The following PCSK5 variants were observed in gnomAD, a reference collection of about 807,000 sequenced individuals.
PCSK5 encodes the protein proprotein convertase subtilisin/kexin type 5, also known as prohormone convertase 5.
In PCSK5, 129 loss-of-function variants were observed where a neutral mutation model predicts 233.2. The observed-to-expected ratio is 0.55, with a 90% CI of 0.48 to 0.64. The LOEUF (loss-of-function observed/expected upper bound fraction) is 0.64. Ranked by LOEUF, PCSK5 falls within the 30% of genes least tolerant of loss-of-function variation. The pLI is 0.00. For missense variants in PCSK5, 2,076 were observed against 2,430.1 expected (o/e 0.85, Z 3.06); for synonymous variants, 825 against 879.2 (o/e 0.94, Z 1.09).
At chr9:75,895,085 C>T (rs1825754437) in intron 1 of PCSK5, among the ~76,000 whole-genome samples, 1 of 152,228 alleles carries the variant, frequency 6.6e-6, no homozygotes, top group East Asian at 1.9e-4. Flanking sequence ...AACCACATAA[C>T]AATTTGAATA....
At chr9:76,107,414 C>G in intron 9 of PCSK5, 63 bp downstream of exon 9, 1 of 1,032,516 alleles carries the variant, frequency 9.7e-7, no homozygotes, top group Non-Finnish European at 1.5e-6. Context: ...AAAACGTACC[C>G]CTTCCCTTGT....
chr9:76,052,009 G>A (rs900517321), intron 5 of PCSK5, among the ~76,000 whole-genome samples: 13 of 152,088 alleles, frequency 8.5e-5, no homozygotes, highest in East Asian at 1.9e-4. Context: ...ATCTTTTTTC[G>A]TAGAAACAAG....
In PCSK5 at chr9:76,206,646, A is replaced by C. The variant is rs548634237; in HGVS notation, c.2626+16900A>C. Among the ~76,000 whole-genome samples the C allele has an allele frequency of 2.0e-5, 3 of 152,332 alleles. No individual in the cohort carries two copies. In the East Asian group the frequency reaches 5.8e-4, roughly 29 times the overall value. On this transcript the variant is annotated intron_variant, in intron 20 of 37. Coordinates refer to ENST00000674117, the MANE Select transcript of PCSK5 (RefSeq NM_001372043.1). ...CACCTCACAGAGCGCAAACAAGGCT[A>C]TTGCCTGATGCTTCTGGAAGAATGG... is the stretch of plus-strand genomic sequence containing the variant.
At chr9:76,315,920 C>T (rs959149857) in intron 30 of PCSK5, among the ~76,000 whole-genome samples, 2 of 135,686 alleles carry the variant, frequency 1.5e-5, no homozygotes, top group Non-Finnish European at 1.5e-5. Context: ...GCATGAGCCA[C>T]TTCAAGGGTT....
chr9:76,228,287 G>A (rs1037408108), intron 21 of PCSK5, among the ~76,000 whole-genome samples: 1 of 152,032 alleles, frequency 6.6e-6, no homozygotes, highest in Non-Finnish European at 1.5e-5. Flanking sequence ...GTTACAAGGG[G>A]TGAACTGTTT....
intron 20 of PCSK5, among the ~76,000 whole-genome samples, chr9:76,220,526 C>CAAAAAAAAAAAAAAAAAAAA (rs57063521): frequency 9.9e-6 from 1 of 100,548 alleles, no homozygotes. Context: ...GACTCTGTCT[C>CAAAAAAAAAAAAAAAAAAAA]AAAAAAAAAA....
chr9:76,114,298 GTAACCAGACCCAAAGA>G (rs1832341726), intron 9 of PCSK5, among the ~76,000 whole-genome samples: 1 of 152,104 alleles, frequency 6.6e-6, no homozygotes, highest in South Asian at 2.1e-4. Context: ...TGAAATAATT[GTAACCAGACCCAAAGA>G]GCAGTTACCA....
At chr9:76,216,054 C>A (rs1354238412) in intron 20 of PCSK5, among the ~76,000 whole-genome samples, 1 of 152,120 alleles carries the variant, frequency 6.6e-6, no homozygotes, top group Non-Finnish European at 1.5e-5. Flanking sequence ...GTTCTAGAGG[C>A]CACATAGACT....
chr9:75,890,497 C>G (rs1365651232), upstream of PCSK5: 1 of 152,294 alleles, frequency 6.6e-6, no homozygotes, highest in African/African-American at 2.4e-5. Flanking sequence ...CCTTTACTGC[C>G]CGGAACCCTG....
At chr9:76,158,159 AT>A (rs549243221) in intron 11 of PCSK5, among the ~76,000 whole-genome samples, 203 of 152,356 alleles carry the variant, frequency 1.3e-3, no homozygotes, top group Admixed American at 2.5e-3. Flanking sequence ...ACCAAAAAAA[AT>A]AATAAGTATA....
chr9:76,314,962 G>A (rs1414046144), intron 30 of PCSK5, among the ~76,000 whole-genome samples: 4 of 149,434 alleles, frequency 2.7e-5, no homozygotes, highest in East Asian at 2.0e-4. Flanking sequence ...TAACAGTAAC[G>A]TATTTTTTTT....
chr9:75,936,306 A>G (rs10869667), intron 2 of PCSK5, among the ~76,000 whole-genome samples: 133,755 of 152,154 alleles, frequency 0.88, 58,784 homozygotes, highest in Admixed American at 0.91. Context: ...TTGCCATATC[A>G]GTTGACTCTG....
At chr9:76,188,831 G>T (rs956918439) in intron 18 of PCSK5, among the ~76,000 whole-genome samples, 156 bp downstream of exon 18, 1 of 152,194 alleles carries the variant, frequency 6.6e-6, no homozygotes, top group African/African-American at 2.4e-5. Context: ...CTCATTGAAA[G>T]TCAAGCAGTC....
At chr9:76,141,717 A>G (rs1823234713) in intron 10 of PCSK5, among the ~76,000 whole-genome samples, 1 of 152,136 alleles carries the variant, frequency 6.6e-6, no homozygotes, top group Admixed American at 6.6e-5. Context: ...TATAAATTAA[A>G]TTATTTGAAA....
chr9:75,948,844 A>G (rs1285923232), intron 2 of PCSK5, among the ~76,000 whole-genome samples: 1 of 152,018 alleles, frequency 6.6e-6, no homozygotes, highest in African/African-American at 2.4e-5. Context: ...CTTTTTAATG[A>G]TCACCATTCT....
chr9:75,963,800 A>T (rs1364670917), intron 2 of PCSK5, among the ~76,000 whole-genome samples: 1 of 152,102 alleles, frequency 6.6e-6, no homozygotes, highest in Non-Finnish European at 1.5e-5. Context: ...AATTGCTTGA[A>T]CCCAGGAGGC....
intron 10 of PCSK5, among the ~76,000 whole-genome samples, chr9:76,140,884 T>C (rs1823187340): frequency 6.6e-6 from 1 of 152,112 alleles, no homozygotes; most frequent in South Asian, 2.1e-4. Context: ...TAAAATATGA[T>C]TTTTAGCAAT....
rs1233822693 is a variant in PCSK5, at chr9:76,233,475, C to T, written c.2745C>T (p.Gly915=). Residue 915 remains glycine, a synonymous_variant, in exon 22 of 38, where the codon GGC becomes GGT. Coordinates refer to ENST00000674117, the MANE Select transcript of PCSK5 (RefSeq NM_001372043.1). ...TTTCCTCTAGGATTTTTGATGATGG[C>T]CGCTGTGTTTCGAACTGCCCCTCAT... ...TCPMTRIFDD[G]RCVSNCPSWK... is the part of the protein sequence containing the mutation. 3 of 1,612,642 alleles carry T rather than the reference C, an allele frequency of 1.9e-6. No homozygotes were observed. The highest frequency in any genetic ancestry group is 2.2e-5 in the East Asian group (1 of 44,870).
intron 1 of PCSK5, among the ~76,000 whole-genome samples, chr9:75,918,314 ACCT>A (rs1587360277): frequency 6.6e-6 from 1 of 152,114 alleles, no homozygotes; most frequent in African/African-American, 2.4e-5. Flanking sequence ...ACTCTTGGTG[ACCT>A]CCTTCTCACC....
Sources: gnomAD v4.1 joint callset for allele counts (sites outside exome capture counted in the v4.1 genomes callset) on GRCh38, gnomAD v4.1.1 for gene constraint, MANE v1.5 for transcripts, NCBI Gene and HGNC (gene_info 2026-07-23, HGNC 2026-07-21) for gene names.